The following RIOK3 variants were observed in gnomAD, a reference collection of about 807,000 sequenced individuals.
The protein encoded by RIOK3 is serine/threonine-protein kinase RIO3.
RIOK3 carries 40 observed loss-of-function variants against 63.5 expected under a neutral mutation model. That is an observed-to-expected ratio of 0.63 (90% confidence interval 0.49 to 0.82). The LOEUF (loss-of-function observed/expected upper bound fraction) is 0.82, where lower values mean the gene tolerates loss of function less well. Ranked by LOEUF, RIOK3 falls within the 40% of genes least tolerant of loss-of-function variation. The pLI is 0.00. For missense variants in RIOK3, 557 were observed against 637.0 expected, an observed-to-expected ratio of 0.87 and a Z score of 1.35; for synonymous variants, 193 against 205.0, an observed-to-expected ratio of 0.94 and a Z score of 0.50.
intron 9 of RIOK3, among the ~76,000 whole-genome samples, chr18:23,476,242 C>T (rs1359688713): frequency 2.0e-5 from 3 of 152,120 alleles, no homozygotes; most frequent in African/African-American, 7.2e-5. Context: ...GAAATAGCAA[C>T]TGAATTCAAT....
chr18:23,455,073 CATTT>C (rs1315605736), intron 1 of RIOK3, among the ~76,000 whole-genome samples: 1 of 149,838 alleles, frequency 6.7e-6, no homozygotes, highest in East Asian at 1.9e-4. Flanking sequence ...CTTTCCTTTT[CATTT>C]ATTTATTTAT....
At position 23,453,362 on chromosome 18, in the gene RIOK3, C is replaced by T. The variant is rs1052269867; in HGVS notation, c.-78C>T. 3 of 1,228,618 alleles carry T rather than the reference C, an allele frequency of 2.4e-6. No individual in the cohort carries two copies. Among genetic ancestry groups the T allele is most frequent in the Admixed American group, 3.4e-5 (2 of 58,778 alleles). The allele number at this position is 1,228,618 out of a possible 1,614,324, so 76.1% of individuals were successfully genotyped here. On this transcript the variant is annotated 5_prime_UTR_variant, in exon 1 of 13. Coordinates refer to ENST00000339486, the MANE Select transcript of RIOK3 (RefSeq NM_003831.5). The stretch of plus-strand genomic sequence containing the variant: ...GCATCAGCAGCCAGTCGCCCGTGTC[C>T]CGCCTGTCTCCTCGGCGGAGCCTGC...
rs779984314 is a variant in RIOK3 at position 23,479,450 on chromosome 18, C to T, written c.1452+26C>T. ...GTATGTGATAAACAGCTGTTTTTCA[C>T]CTTGCTGGTCATGCAGAACTGCATA... On this transcript the variant is annotated intron_variant, in intron 12 of 12. Coordinates refer to ENST00000339486, the MANE Select transcript of RIOK3 (RefSeq NM_003831.5). 5 of 1,426,170 alleles carry T rather than the reference C, an allele frequency of 3.5e-6. No homozygotes were observed. The South Asian group carries it at 5.8e-5, about 16-fold the overall frequency. The allele number at this position is 1,426,170 out of a possible 1,614,324, so 88.3% of individuals were successfully genotyped here. A position where few individuals can be genotyped will look rare whatever the true frequency, so the allele number is the denominator to read the frequency against.
At chr18:23,473,088 T>C (rs764304910) in intron 7 of RIOK3, among the ~76,000 whole-genome samples, 7 of 152,230 alleles carry the variant, frequency 4.6e-5, no homozygotes, top group Non-Finnish European at 1.0e-4. Context: ...TTGCTTTTTA[T>C]TGAATTTTGC....
chr18:23,473,359 CTTTA>C, intron 7 of RIOK3, 66 bp from the exon 8 acceptor site: 1 of 910,902 alleles, frequency 1.1e-6, no homozygotes, highest in Non-Finnish European at 1.7e-6. Flanking sequence ...GTTACAGAAT[CTTTA>C]TTTTGAAATT....
chr18:23,468,293 C>CTTTTTTTTT (rs1245472469), intron 7 of RIOK3, among the ~76,000 whole-genome samples: 15 of 46,470 alleles, frequency 3.2e-4, no homozygotes, highest in East Asian at 6.8e-4. Context: ...CAATATACTC[C>CTTTTTTTTT]TTTTTTTTTT....
Position 23,475,019 on chromosome 18 carries a change from T to C in RIOK3, c.1085T>C (p.Ile362Thr). The C allele has an allele frequency of 6.2e-7, 1 of 1,612,446 alleles. No homozygotes were observed. Among genetic ancestry groups the C allele is most frequent in the Non-Finnish European group, 8.5e-7 (1 of 1,178,514 alleles). The change falls in exon 9 of 13, where the codon ATT becomes ACT. Residue 362 changes from isoleucine (I) to threonine (T), a missense_variant. Ile to Thr is a moderately conservative substitution (Grantham distance 89). Around this residue, in one of 3 missense-constraint regions of RIOK3, gnomAD observed 309 missense variants for 338.7 expected, o/e 0.91. Transcript: ENST00000339486. ...AAACACATTTTAGTTATGTCTTTTA[T>C]TGGCCATGATCAAGTTCCAGCCCCT... ...LKKHILVMSF[I>T]GHDQVPAPKL...
At chr18:23,459,957 G>A (rs1415215538) in intron 1 of RIOK3, among the ~76,000 whole-genome samples, 1 of 152,222 alleles carries the variant, frequency 6.6e-6, no homozygotes, top group African/African-American at 2.4e-5. Flanking sequence ...GCCTCTCAAA[G>A]TGCTGGGATT....
chr18:23,464,383 C>T, intron 4 of RIOK3, 70 bp downstream of exon 4: 1 of 1,241,794 alleles, frequency 8.1e-7, no homozygotes, highest in Non-Finnish European at 1.1e-6. Flanking sequence ...TCAATGAACT[C>T]TTTTAGTTTT....
chr18:23,469,413 T>C lies in RIOK3; in HGVS notation c.815+1887T>C, dbSNP rs1253563443. 4.1e-3 allele frequency among the ~76,000 whole-genome samples: 446 copies of C among 109,146 alleles called. 15 individuals are homozygous for C. The highest frequency in any genetic ancestry group is 0.015 in the African/African-American group (419 of 27,956). 71.6% of individuals were successfully genotyped at this position (109,146 alleles called of 152,430 possible). On this transcript the variant is annotated intron_variant, in intron 7 of 12. Transcript: ENST00000339486. ...CCTCTCTCCTCTCTCCCCTCTCTCC[T>C]CTCTCTCTCTCTCTCTCCCTCTCCT...
intron 1 of RIOK3, among the ~76,000 whole-genome samples, chr18:23,459,377 A>C (rs1217980380): frequency 1.3e-5 from 2 of 152,174 alleles, no homozygotes; most frequent in Non-Finnish European, 2.9e-5. Flanking sequence ...GAAATACTGG[A>C]ATGCCTCTTT....
At chr18:23,469,649 G>A (rs1201820009) in intron 7 of RIOK3, among the ~76,000 whole-genome samples, 8 of 151,318 alleles carry the variant, frequency 5.3e-5, no homozygotes, top group Admixed American at 5.3e-4. Context: ...TACCATGCCC[G>A]GCTAATTTTT....
intron 7 of RIOK3, among the ~76,000 whole-genome samples, chr18:23,469,429 T>C (rs542729530): frequency 1.9e-4 from 25 of 129,842 alleles, no homozygotes; most frequent in African/African-American, 6.5e-4. Context: ...TCTCTCTCTC[T>C]CCCTCTCCTC....
chr18:23,458,034 C>G (rs959241443), intron 1 of RIOK3, among the ~76,000 whole-genome samples: 24 of 150,596 alleles, frequency 1.6e-4, no homozygotes, highest in Non-Finnish European at 1.8e-4. Context: ...GCTGAGACTA[C>G]AAGTGTGCAT....
intron 1 of RIOK3, among the ~76,000 whole-genome samples, chr18:23,453,983 C>T (rs2057322019): frequency 6.6e-6 from 1 of 152,204 alleles, no homozygotes; most frequent in Non-Finnish European, 1.5e-5. Flanking sequence ...CCCAGGCGCA[C>T]CCTCCTCCCT....
At chr18:23,464,744 G>A in intron 5 of RIOK3, 116 bp downstream of exon 5, 1 of 528,356 alleles carries the variant, frequency 1.9e-6, no homozygotes, top group Non-Finnish European at 3.2e-6. Flanking sequence ...TTCTAAAGAT[G>A]TTTTTAGATA....
intron 9 of RIOK3, 119 bp downstream of exon 9, chr18:23,475,226 T>C (rs2145698823): frequency 2.7e-6 from 2 of 743,276 alleles, no homozygotes; most frequent in South Asian, 3.9e-5. Flanking sequence ...TCTAGAACTT[T>C]GGGAGGCTCA....
chr18:23,476,586 C>G (rs2057492314), intron 9 of RIOK3, among the ~76,000 whole-genome samples: 1 of 151,826 alleles, frequency 6.6e-6, no homozygotes, highest in African/African-American at 2.4e-5. Flanking sequence ...GGCTGGAAAA[C>G]AAATGCATTA....
chr18:23,455,005 CTTCCTTCCT>C (rs987089142), intron 1 of RIOK3, among the ~76,000 whole-genome samples: 14 of 151,534 alleles, frequency 9.2e-5, no homozygotes, highest in East Asian at 3.9e-4. Flanking sequence ...TCCTTCCTTC[CTTCCTTCCT>C]TTCCTTCCTT....
Sources: gnomAD v4.1 joint callset for allele counts (sites outside exome capture counted in the v4.1 genomes callset) on GRCh38, gnomAD v4.1.1 for gene constraint, gnomAD v4.1.1 regional missense constraint, MANE v1.5 for transcripts, NCBI Gene and HGNC (gene_info 2026-07-23, HGNC 2026-07-21) for gene names.